Variants in CHLSN observed in about 807,000 individuals in gnomAD.
The protein encoded by CHLSN is protein cholesin.
the CHLSN span, among the ~76,000 whole-genome samples, chr7:1,018,209 G>A: frequency 5.0e-3 from 758 of 152,328 alleles, 3 homozygotes; most frequent in Middle Eastern, 0.02. Context: ...AGGGCTTGGC[G>A]GGTGGGGTCC....
the CHLSN span, chr7:1,045,685 C>G: frequency 6.6e-6 from 1 of 152,296 alleles, no homozygotes; most frequent in African/African-American, 2.4e-5. Flanking sequence ...GCAGCTCCTT[C>G]AAGAACTACT....
chr7:1,085,763 G>A, the CHLSN span, among the ~76,000 whole-genome samples: 10 of 151,832 alleles, frequency 6.6e-5, no homozygotes, highest in Non-Finnish European at 7.4e-5. Context: ...AGCCTGGGAG[G>A]TGGAGGCTGC....
the CHLSN span, chr7:1,021,321 CT>C: frequency 1.0e-6 from 1 of 961,576 alleles, no homozygotes; most frequent in Non-Finnish European, 1.2e-6. Context: ...TTTCTTTCTT[CT>C]TCCCCAGAAG....
chr7:1,071,161 G>A, the CHLSN span, among the ~76,000 whole-genome samples: 1 of 152,218 alleles, frequency 6.6e-6, no homozygotes, highest in South Asian at 2.1e-4. Context: ...GGCTGTTCAA[G>A]CAAAGCCACA....
At chr7:1,111,744 G>T in the CHLSN span, among the ~76,000 whole-genome samples, 3 of 152,166 alleles carry the variant, frequency 2.0e-5, no homozygotes. Flanking sequence ...TGAGGCTACA[G>T]TGAGCCAGGA....
the CHLSN span, among the ~76,000 whole-genome samples, chr7:1,014,822 T>G: frequency 7.4e-6 from 1 of 134,256 alleles, no homozygotes; most frequent in East Asian, 2.0e-4. Context: ...ACGGCAGCGT[T>G]CCGGTTGGTG....
At chr7:1,078,356 G>T in the CHLSN span, among the ~76,000 whole-genome samples, 2 of 152,022 alleles carry the variant, frequency 1.3e-5, no homozygotes, top group African/African-American at 4.8e-5. Context: ...GGGTGGGGGG[G>T]GGCTCAGGCA....
chr7:1,121,085 G>T, the CHLSN span, among the ~76,000 whole-genome samples: 2 of 152,328 alleles, frequency 1.3e-5, no homozygotes, highest in East Asian at 3.9e-4. Context: ...GTGGCCGGCA[G>T]GGATGAAGGA....
At chr7:1,060,565 A>G in the CHLSN span, among the ~76,000 whole-genome samples, 828 of 152,286 alleles carry the variant, frequency 5.4e-3, 3 homozygotes, top group Middle Eastern at 0.024. Flanking sequence ...TCTCCTGGGA[A>G]TTCAGCCACG....
chr7:983,487 A>G, the CHLSN span: 1 of 1,217,204 alleles, frequency 8.2e-7, no homozygotes, highest in Admixed American at 3.3e-5. Context: ...CTGTTCCCAC[A>G]TGGTGCCGGG....
the CHLSN span, among the ~76,000 whole-genome samples, chr7:1,120,756 G>A: frequency 5.3e-4 from 80 of 152,338 alleles, no homozygotes; most frequent in African/African-American, 1.9e-3. Flanking sequence ...ACGGGTGAGA[G>A]AATCTGTGAT....
the CHLSN span, among the ~76,000 whole-genome samples, chr7:1,085,634 A>T: frequency 1.3e-5 from 2 of 151,666 alleles, no homozygotes; most frequent in African/African-American, 4.9e-5. Flanking sequence ...GGAGTTCAAG[A>T]CCAGCCTTGG....
chr7:1,108,927 C>T, the CHLSN span, among the ~76,000 whole-genome samples: 5 of 143,232 alleles, frequency 3.5e-5, no homozygotes, highest in Admixed American at 2.1e-4. Context: ...GACGGAGTCT[C>T]GCTCTGTCGC....
chr7:1,134,359 A>C, the CHLSN span, among the ~76,000 whole-genome samples: 1 of 150,244 alleles, frequency 6.7e-6, no homozygotes, highest in East Asian at 2.0e-4. Flanking sequence ...AGATCACCTG[A>C]AGTCAGGAGT....
chr7:1,091,681 G>A, the CHLSN span: 2 of 1,325,160 alleles, frequency 1.5e-6, no homozygotes, highest in Non-Finnish European at 2.1e-6. Flanking sequence ...TTAAAACAGA[G>A]CTCTGGGAGC....
chr7:1,078,431 G>C, the CHLSN span, among the ~76,000 whole-genome samples: 5 of 152,238 alleles, frequency 3.3e-5, no homozygotes, highest in South Asian at 1.0e-3. Context: ...TGGGAAGGGG[G>C]CCCCGTGAGA....
At chr7:1,028,630 C>T in the CHLSN span, 2 of 977,152 alleles carry the variant, frequency 2.0e-6, no homozygotes, top group African/African-American at 1.8e-5. Context: ...GCCAGCTGCA[C>T]GTACTTGCCT....
At chr7:1,104,463 G>A in the CHLSN span, among the ~76,000 whole-genome samples, 3 of 152,264 alleles carry the variant, frequency 2.0e-5, no homozygotes, top group African/African-American at 7.2e-5. Flanking sequence ...CTGAGAGGCC[G>A]GTGGCTCCAA....
the CHLSN span, chr7:1,057,780 A>G: frequency 1.3e-6 from 1 of 775,298 alleles, no homozygotes; most frequent in Non-Finnish European, 2.4e-6. Flanking sequence ...CGGCCCCCCG[A>G]GCTCCCGGTG....
Sources: gnomAD v4.1 joint callset for allele counts (sites outside exome capture counted in the v4.1 genomes callset) on GRCh38, gnomAD v4.1.1 for gene constraint, MANE v1.5 for transcripts, NCBI Gene and HGNC (gene_info 2026-07-23, HGNC 2026-07-21) for gene names.